Variants in ARHGEF6 observed in about 807,000 individuals in gnomAD.
ARHGEF6 encodes the protein rho guanine nucleotide exchange factor 6.
In ARHGEF6, 9 loss-of-function variants were observed where a neutral mutation model predicts 70.3. That is an observed-to-expected ratio of 0.13 (90% CI 0.08 to 0.22). The LOEUF is 0.22. Ranked by LOEUF, ARHGEF6 falls within the 10% of genes least tolerant of loss-of-function variation. The pLI is 1.00. For synonymous variants in ARHGEF6, 201 were observed against 207.8 expected (o/e 0.97, Z 0.28); for missense variants, 470 against 563.0 (o/e 0.83, Z 1.67).
intron 9 of ARHGEF6, among the ~76,000 whole-genome samples, chrX:136,692,106 G>C (rs1331728324): frequency 9.0e-6 from 1 of 111,497 alleles, no homozygotes; most frequent in East Asian, 2.8e-4. Flanking sequence ...GCTTTTCTGA[G>C]CAGGAGAGAA....
intron 11 of ARHGEF6, 118 bp from the exon 12 acceptor site, chrX:136,685,941 C>T: frequency 1.3e-6 from 1 of 745,627 alleles, no homozygotes; most frequent in Middle Eastern, 3.0e-4. Context: ...TATTCCTCAT[C>T]ATGAATCCCA....
chrX:136,766,581 T>G (rs929541041), intron 2 of ARHGEF6, among the ~76,000 whole-genome samples: 2 of 112,204 alleles, frequency 1.8e-5, no homozygotes, highest in South Asian at 3.7e-4. Context: ...GAGGCAGAGA[T>G]AAACTTGAGG....
At chrX:136,731,645 C>T (rs2076936207) in intron 6 of ARHGEF6, among the ~76,000 whole-genome samples, 1 of 112,320 alleles carries the variant, frequency 8.9e-6, no homozygotes, top group South Asian at 3.7e-4. Flanking sequence ...GGGCAGTTTT[C>T]CTTTTGGGCT....
At chrX:136,676,499 T>C (rs2076283064) in intron 18 of ARHGEF6, 125 bp downstream of exon 18, 1 of 516,137 alleles carries the variant, frequency 1.9e-6, no homozygotes, top group African/African-American at 2.4e-5. Context: ...TTCTTCTTTA[T>C]ATGTAAAAGA....
intron 4 of ARHGEF6, among the ~76,000 whole-genome samples, 156 bp downstream of exon 4, chrX:136,745,067 G>A (rs1024690073): frequency 6.3e-5 from 7 of 111,884 alleles, no homozygotes; most frequent in Non-Finnish European, 1.1e-4. Flanking sequence ...TTGCTCCTTC[G>A]GGCCAGCCTG....
intron 12 of ARHGEF6, among the ~76,000 whole-genome samples, chrX:136,684,636 A>G (rs1274505692): frequency 9.1e-6 from 1 of 109,761 alleles, no homozygotes; most frequent in East Asian, 2.9e-4. Context: ...TCTGCCTCTA[A>G]CTCTGACCTC....
intron 2 of ARHGEF6, among the ~76,000 whole-genome samples, chrX:136,771,602 T>C (rs2077364037): frequency 1.8e-5 from 2 of 112,178 alleles, no homozygotes; most frequent in Admixed American, 9.4e-5. Context: ...AAGACCTTAA[T>C]GTAAGAAGTA....
intron 2 of ARHGEF6, among the ~76,000 whole-genome samples, chrX:136,769,948 A>G (rs1010616604): frequency 1.8e-5 from 2 of 112,763 alleles, no homozygotes; most frequent in African/African-American, 6.4e-5. Context: ...AGTAATCATG[A>G]AATACAAATT....
chrX:136,773,420 G>A (rs1397761993), intron 2 of ARHGEF6, among the ~76,000 whole-genome samples: 2 of 112,218 alleles, frequency 1.8e-5, no homozygotes, highest in Non-Finnish European at 3.8e-5. Flanking sequence ...CTACCTGGAA[G>A]CTTCAGACAA....
At chrX:136,703,626 G>T (rs1843347899) in intron 9 of ARHGEF6, among the ~76,000 whole-genome samples, 1 of 112,371 alleles carries the variant, frequency 8.9e-6, no homozygotes, top group Non-Finnish European at 1.9e-5. Context: ...AGGTTCAAGT[G>T]ATTCTCCTAC....
chrX:136,687,414 C>T (rs184106568), intron 11 of ARHGEF6, among the ~76,000 whole-genome samples: 7 of 112,462 alleles, frequency 6.2e-5, no homozygotes, highest in Admixed American at 3.8e-4. Flanking sequence ...CATTAACCAT[C>T]ATACTGAAGA....
At chrX:136,681,830 AT>A (rs1157728025) in intron 14 of ARHGEF6, 59 bp downstream of exon 14, 1 of 1,009,113 alleles carries the variant, frequency 9.9e-7, no homozygotes, top group East Asian at 3.0e-5. Flanking sequence ...TATTTATTAA[AT>A]TCCCCTTCAT....
At chrX:136,686,661 CATGT>C (rs2076400166) in intron 11 of ARHGEF6, among the ~76,000 whole-genome samples, 1 of 66,060 alleles carries the variant, frequency 1.5e-5, no homozygotes, top group Admixed American at 1.9e-4. Flanking sequence ...TATATATACA[CATGT>C]GTATATATAT....
chrX:136,739,428 T>C (rs887029101), intron 5 of ARHGEF6, among the ~76,000 whole-genome samples: 3 of 111,919 alleles, frequency 2.7e-5, no homozygotes, highest in African/African-American at 9.8e-5. Flanking sequence ...CTATGAGGTA[T>C]AGATTGCGCC....
chrX:136,673,660 C>T (rs1357966866), intron 19 of ARHGEF6, among the ~76,000 whole-genome samples: 1 of 110,976 alleles, frequency 9.0e-6, no homozygotes, highest in Non-Finnish European at 1.9e-5. Flanking sequence ...GTTCTCAAAA[C>T]TAAAGCTGCC....
At chrX:136,749,278 G>A (rs1345075496) in intron 2 of ARHGEF6, among the ~76,000 whole-genome samples, 3 of 111,352 alleles carry the variant, frequency 2.7e-5, no homozygotes, top group African/African-American at 9.8e-5. Flanking sequence ...GACTTATTGA[G>A]TCTCCCTTAG....
At chrX:136,739,995 C>T (rs1402756725) in intron 5 of ARHGEF6, among the ~76,000 whole-genome samples, 1 of 108,938 alleles carries the variant, frequency 9.2e-6, no homozygotes, top group Non-Finnish European at 1.9e-5. Flanking sequence ...GAGCCATGAC[C>T]CAAGTTACAT....
intron 2 of ARHGEF6, among the ~76,000 whole-genome samples, chrX:136,758,810 AT>A (rs915747195): frequency 9.0e-6 from 1 of 111,569 alleles, no homozygotes; most frequent in Non-Finnish European, 1.9e-5. Context: ...CTAAAATGAA[AT>A]TTTAGAAGTT....
At chrX:136,668,844 C>A in intron 21 of ARHGEF6, among the ~76,000 whole-genome samples, 1 of 111,110 alleles carries the variant, frequency 9.0e-6, no homozygotes, top group Non-Finnish European at 1.9e-5. Flanking sequence ...TGGGAAGAAG[C>A]TTCATCTTTA....
Sources: allele counts gnomAD v4.1 joint callset (sites outside exome capture counted in the v4.1 genomes callset), GRCh38; gene constraint gnomAD v4.1.1; transcripts MANE v1.5; gene names NCBI Gene and HGNC (gene_info 2026-07-23, HGNC 2026-07-21).